The following SLC14A2 variants were observed in gnomAD, a reference collection of about 807,000 sequenced individuals.
SLC14A2 encodes the protein urea transporter 2.
Under a neutral mutation model 104.6 loss-of-function variants are expected in SLC14A2, and 91 were observed. That is an observed-to-expected ratio of 0.87 (90% confidence interval 0.73 to 1.04). The LOEUF (loss-of-function observed/expected upper bound fraction) is 1.04, where lower values mean the gene tolerates loss of function less well. Ranked by LOEUF, SLC14A2 falls within the 50% of genes least tolerant of loss-of-function variation. SLC14A2 has a pLI of 0.00. For missense variants in SLC14A2, 1,189 were observed against 1,156.0 expected (o/e 1.03, Z -0.41); for synonymous variants, 476 against 466.4 (o/e 1.02, Z -0.27).
intron 1 of SLC14A2, among the ~76,000 whole-genome samples, chr18:45,233,926 C>T (rs764578975): frequency 5.3e-5 from 8 of 151,546 alleles, no homozygotes; most frequent in African/African-American, 9.7e-5. Context: ...TTAGAGCTAC[C>T]TATCAGAAAA....
At chr18:45,417,467 G>A (rs913100847) in intron 1 of SLC14A2, among the ~76,000 whole-genome samples, 2 of 152,196 alleles carry the variant, frequency 1.3e-5, no homozygotes, top group Non-Finnish European at 2.9e-5. Flanking sequence ...GGCAGAAGAG[G>A]AAGCAAACAC....
At chr18:45,665,115 C>A (rs992186041) in intron 11 of SLC14A2, among the ~76,000 whole-genome samples, 3 of 152,178 alleles carry the variant, frequency 2.0e-5, no homozygotes, top group Admixed American at 6.5e-5. Flanking sequence ...GTGTCACCTC[C>A]CAAACACACT....
chr18:45,227,338 A>T (rs1478727335), intron 1 of SLC14A2, among the ~76,000 whole-genome samples: 1 of 152,244 alleles, frequency 6.6e-6, no homozygotes, highest in Non-Finnish European at 1.5e-5. Flanking sequence ...TGCAAGAATG[A>T]TGAGAGTATC....
intron 2 of SLC14A2, among the ~76,000 whole-genome samples, chr18:45,512,282 G>A (rs1427661900): frequency 6.6e-6 from 1 of 152,102 alleles, no homozygotes; most frequent in Non-Finnish European, 1.5e-5. Flanking sequence ...TTCAGATATA[G>A]CTCAGGAATT....
chr18:45,547,458 G>A (rs1029670309), intron 2 of SLC14A2, among the ~76,000 whole-genome samples: 8 of 152,188 alleles, frequency 5.3e-5, no homozygotes, highest in Non-Finnish European at 1.0e-4. Flanking sequence ...GCAGAACAGG[G>A]AGCAGGCCAC....
chr18:45,285,737 T>A (rs2084808510), intron 1 of SLC14A2, among the ~76,000 whole-genome samples: 1 of 148,346 alleles, frequency 6.7e-6, no homozygotes, highest in Non-Finnish European at 1.5e-5. Flanking sequence ...AGCAGATGAA[T>A]TTATCTGCTG....
intron 19 of SLC14A2, among the ~76,000 whole-genome samples, chr18:45,680,285 G>A (rs1455075660): frequency 1.3e-5 from 2 of 152,204 alleles, no homozygotes; most frequent in Non-Finnish European, 1.5e-5. Context: ...TGCGATTCCT[G>A]ATCATGGATG....
intron 2 of SLC14A2, among the ~76,000 whole-genome samples, chr18:45,588,018 G>A (rs564994873): frequency 4.5e-4 from 69 of 152,312 alleles, no homozygotes; most frequent in African/African-American, 1.6e-3. Context: ...GCAGGGAGAT[G>A]ATTGAAAATG....
At chr18:45,503,583 TAGTC>T (rs1367263198) in intron 2 of SLC14A2, among the ~76,000 whole-genome samples, 1 of 152,220 alleles carries the variant, frequency 6.6e-6, no homozygotes, top group East Asian at 1.9e-4. Flanking sequence ...ACATTCCTAT[TAGTC>T]AGTTCTCAGA....
chr18:45,430,125 A>C (rs149095502), intron 1 of SLC14A2, among the ~76,000 whole-genome samples: 84 of 152,314 alleles, frequency 5.5e-4, no homozygotes, highest in East Asian at 1.2e-3. Flanking sequence ...TCAATTCATG[A>C]GAGTATAGTT....
chr18:45,443,420 G>A (rs1014011403), intron 1 of SLC14A2, among the ~76,000 whole-genome samples: 2 of 152,220 alleles, frequency 1.3e-5, no homozygotes, highest in South Asian at 4.1e-4. Context: ...AGTAAGGCCT[G>A]TCTGTCTAGA....
chr18:45,205,775 C>A, the SLC14A2 span, among the ~76,000 whole-genome samples: 1 of 152,176 alleles, frequency 6.6e-6, no homozygotes, highest in African/African-American at 2.4e-5. Flanking sequence ...CTGGACCTAT[C>A]CAGGAATCCA....
intron 1 of SLC14A2, among the ~76,000 whole-genome samples, chr18:45,301,152 T>C (rs1007148441): frequency 6.6e-6 from 1 of 152,164 alleles, no homozygotes; most frequent in Non-Finnish European, 1.5e-5. Context: ...TCACTAGTAA[T>C]GTGGGCAGGG....
intron 1 of SLC14A2, among the ~76,000 whole-genome samples, chr18:45,248,023 G>A (rs958385400): frequency 6.6e-6 from 1 of 152,124 alleles, no homozygotes; most frequent in African/African-American, 2.4e-5. Context: ...GAATTTGTCA[G>A]TAGGGAGCAA....
chr18:45,444,758 G>A lies in SLC14A2; in HGVS notation c.-124-38475G>A, dbSNP rs530705918. ...CTCTTTAAAAGTGGGAGCCAGTGGC[G>A]AGCCGCACAGGTAGGTGTGCATCGA... On this transcript the variant is annotated intron_variant, in intron 1 of 20. Coordinates refer to the SLC14A2 transcript ENST00000586448. Among the ~76,000 whole-genome samples the A allele has an allele frequency of 5.9e-5, 9 of 152,298 alleles. No homozygotes were observed. In the East Asian group the frequency reaches 1.2e-3, roughly 20 times the overall value.
chr18:45,198,006 A>G, the SLC14A2 span, among the ~76,000 whole-genome samples: 4 of 152,172 alleles, frequency 2.6e-5, no homozygotes, highest in Non-Finnish European at 5.9e-5. Context: ...GTTATCCTGA[A>G]TATAAGTTAT....
chr18:45,489,686 A>G (rs1045596113), intron 2 of SLC14A2, among the ~76,000 whole-genome samples: 3 of 152,184 alleles, frequency 2.0e-5, no homozygotes, highest in Non-Finnish European at 4.4e-5. Flanking sequence ...CATCAACATA[A>G]TAATTCTACC....
At chr18:45,306,917 C>T (rs1295373950) in intron 1 of SLC14A2, among the ~76,000 whole-genome samples, 1 of 152,090 alleles carries the variant, frequency 6.6e-6, no homozygotes, top group Non-Finnish European at 1.5e-5. Context: ...CCTCTTAATC[C>T]CTCACCTCCA....
At chr18:45,656,539 T>C (rs2045840230) in intron 10 of SLC14A2, among the ~76,000 whole-genome samples, 1 of 151,936 alleles carries the variant, frequency 6.6e-6, no homozygotes, top group Non-Finnish European at 1.5e-5. Context: ...AGAGGAAAGA[T>C]CAAAATTAGG....
Sources: gnomAD v4.1 joint callset for allele counts (sites outside exome capture counted in the v4.1 genomes callset) on GRCh38, gnomAD v4.1.1 for gene constraint, MANE v1.5 for transcripts, NCBI Gene and HGNC (gene_info 2026-07-23, HGNC 2026-07-21) for gene names.